Variants in GPR158 observed in about 807,000 individuals in gnomAD.
GPR158 encodes G protein-coupled receptor 158.
In GPR158, 30 loss-of-function variants were observed where a neutral mutation model predicts 78.2. The observed-to-expected ratio is 0.38, with a 90% CI of 0.29 to 0.52. The LOEUF is 0.52. GPR158 is among the 20% of genes least tolerant of loss of function. GPR158 has a pLI of 0.83. For missense variants in GPR158, 1,463 were observed against 1,523.5 expected (o/e 0.96, Z 0.66); for synonymous variants, 581 against 591.1 (o/e 0.98, Z 0.25).
intron 2 of GPR158, among the ~76,000 whole-genome samples, chr10:25,264,831 C>T (rs1486962438): frequency 1.3e-5 from 2 of 152,108 alleles, no homozygotes; most frequent in African/African-American, 2.4e-5. Context: ...TTTCCAGTTT[C>T]CAGTGCTATA....
At chr10:25,477,629 A>G (rs1369401259) in intron 5 of GPR158, among the ~76,000 whole-genome samples, 6 of 152,182 alleles carry the variant, frequency 3.9e-5, no homozygotes, top group Admixed American at 6.5e-5. Context: ...CGTAGAATCC[A>G]TCTCACTTGG....
At chr10:25,469,141 C>A (rs532491077) in intron 5 of GPR158, among the ~76,000 whole-genome samples, 1 of 152,156 alleles carries the variant, frequency 6.6e-6, no homozygotes, top group Non-Finnish European at 1.5e-5. Context: ...TACTTGAATG[C>A]CTCAGGACTG....
intron 2 of GPR158, among the ~76,000 whole-genome samples, chr10:25,350,539 T>A (rs1329872050): frequency 1.3e-5 from 2 of 152,060 alleles, no homozygotes; most frequent in Non-Finnish European, 2.9e-5. Flanking sequence ...TTAGCCCCGT[T>A]GGTCAGTTTT....
At chr10:25,506,749 A>G (rs897069367) in intron 5 of GPR158, among the ~76,000 whole-genome samples, 9 of 152,208 alleles carry the variant, frequency 5.9e-5, no homozygotes, top group African/African-American at 2.2e-4. Flanking sequence ...AGTATGCAGT[A>G]CTCTGATGAT....
chr10:25,192,321 T>A (rs1331951379), intron 1 of GPR158, among the ~76,000 whole-genome samples: 1 of 152,218 alleles, frequency 6.6e-6, no homozygotes, highest in Non-Finnish European at 1.5e-5. Context: ...CAAATGGAAC[T>A]GTGAGTCAAT....
intron 4 of GPR158, among the ~76,000 whole-genome samples, 171 bp downstream of exon 4, chr10:25,412,644 G>A (rs895490706): frequency 6.6e-6 from 1 of 152,182 alleles, no homozygotes; most frequent in Non-Finnish European, 1.5e-5. Flanking sequence ...GAAAAATAGA[G>A]ATTAAAACAT....
chr10:25,517,545 C>T lies in GPR158; in HGVS notation c.1405-33431C>T, dbSNP rs1042256031. 2.0e-3 allele frequency among the ~76,000 whole-genome samples: 301 copies of T among 152,134 alleles called. 2 individuals carry two copies. The highest frequency in any genetic ancestry group is 7.0e-3 in the African/African-American group (289 of 41,432). ...GCTCTTATTATTTTGAAATACGTCC[C>T]ATCAATACCTAATTTATTGAGAGTT... On this transcript the variant is annotated intron_variant, in intron 5 of 10. Coordinates refer to ENST00000376351, the MANE Select transcript of GPR158 (RefSeq NM_020752.3).
At chr10:25,462,063 G>T (rs1441685852) in intron 4 of GPR158, among the ~76,000 whole-genome samples, 1 of 152,150 alleles carries the variant, frequency 6.6e-6, no homozygotes, top group Non-Finnish European at 1.5e-5. Context: ...CTAGCGAGGA[G>T]AAGTCAATGC....
intron 4 of GPR158, among the ~76,000 whole-genome samples, chr10:25,451,114 A>G (rs1278335848): frequency 6.6e-6 from 1 of 152,204 alleles, no homozygotes; most frequent in African/African-American, 2.4e-5. Flanking sequence ...TTTGGTAAAC[A>G]TTCTTGTGCA....
rs115036122 is a variant in GPR158 at position 25,239,916 on chromosome 10, C to A, written c.1008+18759C>A. ...TATCATCATCTATTGAATACCAACT[C>A]TAAGTAGCATACTGTACCAGGAACT... On this transcript the variant is annotated intron_variant, in intron 2 of 10. Coordinates refer to ENST00000376351, the MANE Select transcript of GPR158 (RefSeq NM_020752.3). Among the ~76,000 whole-genome samples, 416 of 152,236 alleles carry A rather than the reference C, an allele frequency of 2.7e-3. 3 individuals carry two copies. Among genetic ancestry groups the A allele is most frequent in the African/African-American group, 9.7e-3 (405 of 41,540 alleles).
chr10:25,442,811 T>C (rs1268422798), intron 4 of GPR158, among the ~76,000 whole-genome samples: 3 of 152,058 alleles, frequency 2.0e-5, no homozygotes, highest in Non-Finnish European at 4.4e-5. Flanking sequence ...ACCATTCCAG[T>C]CCAAGATACT....
At chr10:25,338,335 GT>G in intron 2 of GPR158, among the ~76,000 whole-genome samples, 1 of 148,312 alleles carries the variant, frequency 6.7e-6, no homozygotes, top group South Asian at 2.1e-4. Context: ...TGATTCCAGT[GT>G]TTTGCCAAGC....
chr10:25,391,165 G>A (rs1260068077), intron 2 of GPR158, among the ~76,000 whole-genome samples: 3 of 152,192 alleles, frequency 2.0e-5, no homozygotes, highest in African/African-American at 7.2e-5. Flanking sequence ...GAGGTGTGCT[G>A]CAGGGGTGGG....
chr10:25,238,117 A>G (rs1853552308), intron 2 of GPR158, among the ~76,000 whole-genome samples: 1 of 151,642 alleles, frequency 6.6e-6, no homozygotes, highest in African/African-American at 2.4e-5. Context: ...GCAGAAGGAA[A>G]GGTGAAAGCT....
At chr10:25,328,205 A>T (rs1588801769) in intron 2 of GPR158, among the ~76,000 whole-genome samples, 1 of 152,252 alleles carries the variant, frequency 6.6e-6, no homozygotes, top group East Asian at 1.9e-4. Context: ...TATACATAGA[A>T]ATACATAGAT....
chr10:25,416,431 ACT>A (rs926665654), intron 4 of GPR158, among the ~76,000 whole-genome samples: 3 of 152,012 alleles, frequency 2.0e-5, no homozygotes, highest in African/African-American at 7.2e-5. Flanking sequence ...TGCAAACAAA[ACT>A]CAGTTTATTT....
intron 4 of GPR158, among the ~76,000 whole-genome samples, chr10:25,454,100 A>G (rs1040190875): frequency 9.2e-5 from 14 of 152,074 alleles, no homozygotes; most frequent in Admixed American, 7.9e-4. Flanking sequence ...AATTTCTTTC[A>G]TCAATATCTT....
intron 5 of GPR158, among the ~76,000 whole-genome samples, chr10:25,474,327 A>G (rs1835551426): frequency 6.6e-6 from 1 of 152,126 alleles, no homozygotes; most frequent in Non-Finnish European, 1.5e-5. Flanking sequence ...CACTATTTAT[A>G]GTGGCTATAG....
intron 2 of GPR158, among the ~76,000 whole-genome samples, chr10:25,290,582 A>G (rs1854420673): frequency 1.3e-5 from 2 of 152,300 alleles, no homozygotes; most frequent in African/African-American, 2.4e-5. Flanking sequence ...AAATAGATCA[A>G]TATTCAAGGT....
Sources: gnomAD v4.1 joint callset for allele counts (sites outside exome capture counted in the v4.1 genomes callset) on GRCh38, gnomAD v4.1.1 for gene constraint, MANE v1.5 for transcripts, NCBI Gene and HGNC (gene_info 2026-07-23, HGNC 2026-07-21) for gene names.